The following DCAF6 variants were observed in gnomAD, a reference collection of about 807,000 sequenced individuals.
DCAF6 encodes DDB1 and CUL4 associated factor 6.
DCAF6 carries 54 observed loss-of-function variants against 125.1 expected under a neutral mutation model. That is an observed-to-expected ratio of 0.43 (90% CI 0.35 to 0.54). The LOEUF is 0.54. Ranked by LOEUF, DCAF6 falls within the 20% of genes least tolerant of loss-of-function variation. The probability of loss-of-function intolerance (pLI) is 0.01; values close to 1 mark genes in which losing one functional copy is unlikely to be tolerated. For missense variants in DCAF6, 934 were observed against 1,161.7 expected, an observed-to-expected ratio of 0.80 and a Z score of 2.85; for synonymous variants, 371 against 390.4, an observed-to-expected ratio of 0.95 and a Z score of 0.58.
intron 10 of DCAF6, among the ~76,000 whole-genome samples, chr1:168,009,389 T>TCC (rs1259860523): frequency 7.4e-4 from 98 of 133,262 alleles, no homozygotes; most frequent in African/African-American, 2.8e-3. Flanking sequence ...CTTCCTTCCT[T>TCC]TCTTTCTTTC....
At chr1:167,965,789 C>T (rs1408101750) in intron 2 of DCAF6, among the ~76,000 whole-genome samples, 2 of 152,062 alleles carry the variant, frequency 1.3e-5, no homozygotes, top group Non-Finnish European at 1.5e-5. Context: ...CGCATGCCAC[C>T]ATGGCCGGCT....
At chr1:167,874,438 A>T in the DCAF6 span, among the ~76,000 whole-genome samples, 1 of 152,248 alleles carries the variant, frequency 6.6e-6, no homozygotes, top group South Asian at 2.1e-4. Flanking sequence ...ATACCACTAT[A>T]CACCCAACAG....
At chr1:167,880,447 A>C in the DCAF6 span, 1 of 1,441,376 alleles carries the variant, frequency 6.9e-7, no homozygotes, top group Non-Finnish European at 9.8e-7. Flanking sequence ...CTTATGCCTC[A>C]AAAGGGTCAG....
chr1:168,040,172 A>G (rs759350397), intron 13 of DCAF6, among the ~76,000 whole-genome samples: 3 of 151,996 alleles, frequency 2.0e-5, no homozygotes, highest in South Asian at 4.1e-4. Context: ...CCACGTATTT[A>G]TATCTAGGGG....
At chr1:167,909,303 C>T in the DCAF6 span, among the ~76,000 whole-genome samples, 1 of 152,124 alleles carries the variant, frequency 6.6e-6, no homozygotes, top group Admixed American at 6.5e-5. Flanking sequence ...TGGGTTGTTC[C>T]CACTTTTAGA....
chr1:168,064,693 A>G (rs963202021), intron 18 of DCAF6, among the ~76,000 whole-genome samples: 3 of 152,312 alleles, frequency 2.0e-5, no homozygotes, highest in East Asian at 1.9e-4. Flanking sequence ...GAGTGAGAAA[A>G]GAGAAGATAA....
At chr1:167,900,987 A>T in the DCAF6 span, among the ~76,000 whole-genome samples, 4 of 152,200 alleles carry the variant, frequency 2.6e-5, no homozygotes, top group African/African-American at 9.7e-5. Flanking sequence ...CACCAACAGC[A>T]CCAACCATAA....
At chr1:167,968,794 A>C (rs1259980458) in intron 3 of DCAF6, among the ~76,000 whole-genome samples, 2 of 152,236 alleles carry the variant, frequency 1.3e-5, no homozygotes, top group Admixed American at 1.3e-4. Flanking sequence ...GCTTAACATC[A>C]TGCCAACTGG....
chr1:168,027,311 A>G (rs1479496273), intron 12 of DCAF6, among the ~76,000 whole-genome samples: 1 of 152,080 alleles, frequency 6.6e-6, no homozygotes, highest in Non-Finnish European at 1.5e-5. Flanking sequence ...AAAACTGAGC[A>G]TGTTTATAGA....
the DCAF6 span, among the ~76,000 whole-genome samples, chr1:167,865,818 C>A: frequency 2.0e-5 from 3 of 152,172 alleles, no homozygotes; most frequent in African/African-American, 7.2e-5. Context: ...AGGCCAGAGG[C>A]CCTCATTGTC....
chr1:167,867,582 G>A, the DCAF6 span, among the ~76,000 whole-genome samples: 10 of 152,254 alleles, frequency 6.6e-5, no homozygotes, highest in South Asian at 2.1e-3. Context: ...CCTGATGTGT[G>A]TTATGACCCA....
At chr1:168,025,942 G>A (rs1218598657) in intron 12 of DCAF6, among the ~76,000 whole-genome samples, 1 of 152,106 alleles carries the variant, frequency 6.6e-6, no homozygotes, top group Admixed American at 6.5e-5. Flanking sequence ...CATTCACTAA[G>A]CTCTTGCCAA....
intron 17 of DCAF6, 79 bp from the exon 18 acceptor site, chr1:168,063,542 C>A: frequency 4.9e-6 from 6 of 1,229,950 alleles, no homozygotes; most frequent in Non-Finnish European, 6.5e-6. Flanking sequence ...CCTAGACTTA[C>A]TATATTTTCA....
At chr1:167,918,281 G>A in the DCAF6 span, 10 of 1,491,156 alleles carry the variant, frequency 6.7e-6, no homozygotes, top group African/African-American at 1.1e-4. Flanking sequence ...GGTCCCAATG[G>A]TTTTGTCCAC....
intron 11 of DCAF6, chr1:168,019,500 C>G (rs1395585745): frequency 2.2e-6 from 1 of 447,676 alleles, no homozygotes; most frequent in Non-Finnish European, 4.5e-6. Context: ...CAGAGGCATT[C>G]AGCATATGGC....
chr1:168,034,830 C>T (rs1687592103), intron 12 of DCAF6, among the ~76,000 whole-genome samples: 1 of 152,012 alleles, frequency 6.6e-6, no homozygotes, highest in Admixed American at 6.5e-5. Context: ...TTGAAAAATA[C>T]AATTTTTAGA....
At chr1:167,944,311 C>A (rs567109544) in intron 1 of DCAF6, among the ~76,000 whole-genome samples, 1 of 152,082 alleles carries the variant, frequency 6.6e-6, no homozygotes, top group East Asian at 1.9e-4. Context: ...ATATTAATTT[C>A]TTTTCTTTTT....
At chr1:167,937,788 A>G (rs1411040675) in intron 1 of DCAF6, among the ~76,000 whole-genome samples, 2 of 152,124 alleles carry the variant, frequency 1.3e-5, no homozygotes, top group South Asian at 2.1e-4. Context: ...AGTCAACTAA[A>G]AAGTTTGGTT....
chr1:167,902,537 G>A, the DCAF6 span, among the ~76,000 whole-genome samples: 18 of 152,128 alleles, frequency 1.2e-4, no homozygotes, highest in Middle Eastern at 3.2e-3. Flanking sequence ...TTATTTAGAC[G>A]GTATGGCATA....
Sources: allele counts gnomAD v4.1 joint callset (sites outside exome capture counted in the v4.1 genomes callset), GRCh38; gene constraint gnomAD v4.1.1; transcripts MANE v1.5; gene names NCBI Gene and HGNC (gene_info 2026-07-23, HGNC 2026-07-21).